Variants in ATXN7L2 observed in about 807,000 individuals in gnomAD.
ATXN7L2 encodes ataxin 7 like 2.
A neutral mutation model predicts 59.6 loss-of-function variants in ATXN7L2; 17 were observed. That is an observed-to-expected ratio of 0.29 (90% CI 0.20 to 0.43). ATXN7L2 has a LOEUF of 0.43. ATXN7L2 is among the 20% of genes least tolerant of loss of function. ATXN7L2 has a pLI of 1.00. For missense variants in ATXN7L2, 858 were observed against 1,008.9 expected (o/e 0.85, Z 2.03); for synonymous variants, 378 against 392.5 (o/e 0.96, Z 0.44).
Position 109,489,930 on chromosome 1 carries a change from G to A in ATXN7L2, c.1134G>A (p.Arg378=), listed in dbSNP as rs762941184. ...KQTYPYCALP[R]SRASSESELD... is the part of the protein sequence containing the mutation. ...CTGGCATCCCTTTTGGCCCTTCCAG[G>A]TCCCGGGCCTCCTCCGAGAGTGAAT... Residue 378 remains arginine, a splice_region_variant and synonymous_variant, in exon 8 of 11, where the codon AGG becomes AGA. Transcript: ENST00000683729. The A allele has an allele frequency of 2.2e-5, 36 of 1,613,214 alleles. No homozygotes were observed. Among genetic ancestry groups the A allele is most frequent in the Non-Finnish European group, 2.9e-5 (34 of 1,179,974 alleles).
chr1:109,491,332 C>G lies in ATXN7L2; in HGVS notation c.1865C>G (p.Thr622Ser), dbSNP rs754393788. 3.1e-6 allele frequency: 5 copies of G among 1,614,280 alleles called. No homozygotes were observed. Among genetic ancestry groups the G allele is most frequent in the Non-Finnish European group, 4.2e-6 (5 of 1,180,058 alleles). ...AAACGGACCTGCATCCTGGAGCCCA[C>G]TGGAAAAGGGAAACCCTCTGGCTGT... is the stretch of plus-strand genomic sequence containing the variant. ...TLKRTCILEP[T>S]GKGKPSGCRG... The change falls in exon 10 of 11, where the codon ACT becomes AGT. Residue 622 changes from threonine (T) to serine (S), a missense_variant. This residue lies in a region of ATXN7L2 where 734 missense variants were observed against 862.3 expected (regional missense o/e 0.85). Coordinates refer to ENST00000683729, the MANE Select transcript of ATXN7L2 (RefSeq NM_001350175.2). This position sits in a 1 kb window ranked among gnomAD's most constrained non-coding sequence, Gnocchi z 4.1.
chr1:109,488,172 G>T lies in ATXN7L2; in HGVS notation c.797-211G>T, dbSNP rs949908744. On this transcript the variant is annotated intron_variant, in intron 5 of 10. Coordinates refer to ENST00000683729, the MANE Select transcript of ATXN7L2 (RefSeq NM_001350175.2). The surrounding 1 kb of genome is among the most constrained non-coding windows in gnomAD (Gnocchi z 5.0). Reference sequence around the variant, plus strand: ...TGCTTTGGGCTTGAAGTCCCAAAAGGCGCACCTGAAATTGGGATAGGGATG... The same window carrying T: ...TGCTTTGGGCTTGAAGTCCCAAAAGTCGCACCTGAAATTGGGATAGGGATG... Among the ~76,000 whole-genome samples the T allele has an allele frequency of 2.6e-5, 4 of 152,238 alleles. No homozygotes were observed. The highest frequency in any genetic ancestry group is 4.8e-5 in the African/African-American group (2 of 41,454).
At chr1:109,485,367 C>A (rs1286280281) in intron 1 of ATXN7L2, 1 of 985,182 alleles carries the variant, frequency 1.0e-6, no homozygotes, top group Non-Finnish European at 1.2e-6. Flanking sequence ...GCCCAAAGGC[C>A]CTCTAAGAAG....
At position 109,488,449 on chromosome 1, in the gene ATXN7L2, G is replaced by A. The variant is rs1027167067; in HGVS notation, c.863G>A (p.Arg288His). Reference sequence around the variant, plus strand: ...CCAGAGACCAAAAAGATCTGTACCCGCCTGTTGACCTGCAAGGTAACCCCC... The same window carrying A: ...CCAGAGACCAAAAAGATCTGTACCCACCTGTTGACCTGCAAGGTAACCCCC... Reference protein sequence around the residue: ...INPETKKICTRLLTCKIHSVH... With the variant: ...INPETKKICTHLLTCKIHSVH... Residue 288 changes from arginine (R) to histidine (H), a missense_variant, in exon 6 of 11, where the codon CGC becomes CAC. This residue lies in a region of ATXN7L2 where 734 missense variants were observed against 862.3 expected (regional missense o/e 0.85). Transcript: ENST00000683729. The surrounding 1 kb of genome is among the most constrained non-coding windows in gnomAD (Gnocchi z 5.0). 3 of 1,608,748 alleles carry A rather than the reference G, an allele frequency of 1.9e-6. No homozygotes were observed. Among genetic ancestry groups the A allele is most frequent in the Non-Finnish European group, 2.5e-6 (3 of 1,176,914 alleles).
intron 7 of ATXN7L2, 98 bp downstream of exon 7, chr1:109,489,198 G>A: frequency 6.9e-7 from 1 of 1,443,372 alleles, no homozygotes; most frequent in South Asian, 1.4e-5. Flanking sequence ...CCTGGAAGAG[G>A]CACTCCCTCA....
At position 109,487,115 on chromosome 1, in the gene ATXN7L2, G is replaced by A. The variant is rs1403279857; in HGVS notation, c.407G>A (p.Cys136Tyr). ...GTAGTGAATGGGCAGGGCCCAGCTT[G>A]TAGGGCCCCAGGTTCCACGAAAACC... ...CHVVNGQGPA[C>Y]RAPGSTKTSS... The change falls in exon 4 of 11, where the codon TGT (cysteine) becomes TAT (tyrosine). Residue 136 changes from cysteine (C) to tyrosine (Y), a missense_variant. Coordinates refer to ENST00000683729, the MANE Select transcript of ATXN7L2 (RefSeq NM_001350175.2). 1.9e-5 allele frequency: 30 copies of A among 1,612,362 alleles called. No individual in the cohort carries two copies. The highest frequency in any genetic ancestry group is 6.7e-5 in the East Asian group (3 of 44,756).
Position 109,489,042 on chromosome 1 carries a change from C to G in ATXN7L2, c.1075C>G (p.Pro359Ala), listed in dbSNP as rs1480761149. The change falls in exon 7 of 11, where the codon CCC (proline) becomes GCC (alanine). Residue 359 changes from proline (P) to alanine (A), a missense_variant. By Grantham distance (27) the Pro-to-Ala change is conservative. Coordinates refer to ENST00000683729, the MANE Select transcript of ATXN7L2 (RefSeq NM_001350175.2). ...CCAGGTTGTAGCAGCGGTGGCTGCTCCCAGCAGCACCTTCTCTGTTCGTGC... is the reference window on the plus strand; with the variant it reads ...CCAGGTTGTAGCAGCGGTGGCTGCTGCCAGCAGCACCTTCTCTGTTCGTGC... ...SVQVVAAVAAPSSTFSVRAKQ... is the reference protein window; with the variant it reads ...SVQVVAAVAAASSTFSVRAKQ... 6.2e-7 allele frequency: 1 copy of G among 1,614,036 alleles called. No individual in the cohort carries two copies. The highest frequency in any genetic ancestry group is 1.3e-5 in the African/African-American group (1 of 74,924).
rs372298006 is a variant in ATXN7L2, at chr1:109,491,421, A to C, written c.1954A>C (p.Arg652=). ...GGGGCTTAATGGGACAATGGGGCCA[A>C]GAGTGAAGCGGGCAGGGCCCCTGGA... is the stretch of plus-strand genomic sequence containing the variant. ...SMGLNGTMGP[R]VKRAGPLDCR... is the part of the protein sequence containing the mutation. Residue 652 remains arginine, a synonymous_variant, in exon 10 of 11, where the codon AGA becomes CGA. Coordinates refer to ENST00000683729, the MANE Select transcript of ATXN7L2 (RefSeq NM_001350175.2). The surrounding 1 kb of genome is among the most constrained non-coding windows in gnomAD (Gnocchi z 4.1). 9.9e-6 allele frequency: 16 copies of C among 1,614,188 alleles called. No homozygotes were observed. The African/African-American group carries it at 2.0e-4, about 20-fold the overall frequency.
Position 109,488,929 on chromosome 1 carries a change from C to G in ATXN7L2, c.962C>G (p.Ser321Cys), listed in dbSNP as rs778348612. ...DVLVAELKAN[S>C]RKGESPKEKS... The stretch of plus-strand genomic sequence containing the variant: ...CTGGTGGCAGAGCTGAAGGCCAACT[C>G]CCGCAAAGGGGAGTCTCCCAAGGAG... The change falls in exon 7 of 11, where the codon TCC (serine) becomes TGC (cysteine). Residue 321 changes from serine (S) to cysteine (C), a missense_variant. By Grantham distance (112) the Ser-to-Cys change is moderately radical. This residue lies in a region of ATXN7L2 where 734 missense variants were observed against 862.3 expected (regional missense o/e 0.85). Coordinates refer to ENST00000683729, the MANE Select transcript of ATXN7L2 (RefSeq NM_001350175.2). This position sits in a 1 kb window ranked among gnomAD's most constrained non-coding sequence, Gnocchi z 5.0. 1.2e-6 allele frequency: 2 copies of G among 1,614,150 alleles called. No individual in the cohort carries two copies. Among genetic ancestry groups the G allele is most frequent in the South Asian group, 2.2e-5 (2 of 91,092 alleles).
rs566866897 is a variant in ATXN7L2 at position 109,486,644 on chromosome 1, A to G, written c.298+34A>G. 3.8e-6 allele frequency: 6 copies of G among 1,560,360 alleles called. No individual in the cohort carries two copies. The South Asian group carries it at 5.6e-5, about 15-fold the overall frequency. On this transcript the variant is annotated intron_variant, in intron 3 of 10. Transcript: ENST00000683729. The surrounding 1 kb of genome is among the most constrained non-coding windows in gnomAD (Gnocchi z 4.3). Reference sequence around the variant, plus strand: ...AGCCCTAGGGAGGAGATAAAGGGACAGGGGAAGGTGGAGCATGGAACTCTG... The same window carrying G: ...AGCCCTAGGGAGGAGATAAAGGGACGGGGGAAGGTGGAGCATGGAACTCTG...
At position 109,492,704 on chromosome 1, in the gene ATXN7L2, TTAAGAAAAAAAG is replaced by T; in HGVS notation, c.*105_*116del. ...TTTTATAACTTTATATTATTTTTTT[TTAAGAAAAAAAG>T]CTCTTTAAAATACCTCAAGACTGTC... On this transcript the variant is annotated 3_prime_UTR_variant, in exon 11 of 11. Transcript: ENST00000683729. 7.1e-7 allele frequency: 1 copy of T among 1,400,910 alleles called. No homozygotes were observed. Among genetic ancestry groups the T allele is most frequent in the Non-Finnish European group, 9.8e-7 (1 of 1,023,394 alleles). The allele number at this position is 1,400,910 out of a possible 1,614,324, so 86.8% of individuals were successfully genotyped here.
chr1:109,490,403 C>T lies in ATXN7L2; in HGVS notation c.1454+11C>T, dbSNP rs774537914. On this transcript the variant is annotated intron_variant, in intron 9 of 10. Transcript: ENST00000683729. ...CACACACATGTGGAAGTAAGTCTCT[C>T]GGACCCAGAATGGAAGTTCTAGAAT... 1.3e-5 allele frequency: 21 copies of T among 1,610,640 alleles called. No individual in the cohort carries two copies. The highest frequency in any genetic ancestry group is 8.4e-5 in the Admixed American group (5 of 59,702).
At position 109,491,746 on chromosome 1, in the gene ATXN7L2, G is replaced by A. The variant is rs753612488; in HGVS notation, c.2250+29G>A. On this transcript the variant is annotated intron_variant, in intron 10 of 10. Transcript: ENST00000683729. This position sits in a 1 kb window ranked among gnomAD's most constrained non-coding sequence, Gnocchi z 4.1. The stretch of plus-strand genomic sequence containing the variant: ...CCAGCCAGGCTCCCTGAAGATTGAT[G>A]AGGGTGGGGCACACAGGGGGTACCT... The A allele has an allele frequency of 3.2e-4, 498 of 1,552,958 alleles. No homozygotes were observed. Among genetic ancestry groups the A allele is most frequent in the Non-Finnish European group, 4.3e-4 (492 of 1,146,684 alleles).
rs1467484921 is a variant in ATXN7L2 at position 109,492,631 on chromosome 1, C to T, written c.*31C>T. The T allele has an allele frequency of 4.3e-6, 7 of 1,612,626 alleles. No homozygotes were observed. The highest frequency in any genetic ancestry group is 5.9e-6 in the Non-Finnish European group (7 of 1,179,616). Reference sequence around the variant, plus strand: ...AAGTGCCTGCCCACTGCAACGGAGCCGCCAGCACCTCCTCCCCTCCAGATC... The same window carrying T: ...AAGTGCCTGCCCACTGCAACGGAGCTGCCAGCACCTCCTCCCCTCCAGATC... On this transcript the variant is annotated 3_prime_UTR_variant, in exon 11 of 11. Transcript: ENST00000683729.
chr1:109,490,897 C>T (rs759629393), intron 9 of ATXN7L2, 25 bp from the exon 10 acceptor site: 102 of 1,535,860 alleles, frequency 6.6e-5, no homozygotes, highest in Non-Finnish European at 8.6e-5. Flanking sequence ...TTGGCAGTCA[C>T]AGTGGGGCTT....
Position 109,486,767 on chromosome 1 carries a change from G to A in ATXN7L2, c.298+157G>A, listed in dbSNP as rs892568845. Reference sequence around the variant, plus strand: ...GCTTCAGAGCATTGTGGGGAGTCGGGTTATTGTTTGAACAAAATTCTAGCA... The same window carrying A: ...GCTTCAGAGCATTGTGGGGAGTCGGATTATTGTTTGAACAAAATTCTAGCA... On this transcript the variant is annotated intron_variant, in intron 3 of 10. Transcript: ENST00000683729. This position sits in a 1 kb window ranked among gnomAD's most constrained non-coding sequence, Gnocchi z 4.3. Among the ~76,000 whole-genome samples, 1 of 152,106 alleles carries A rather than the reference G, an allele frequency of 6.6e-6. No homozygotes were observed. Among genetic ancestry groups the A allele is most frequent in the Non-Finnish European group, 1.5e-5 (1 of 68,022 alleles).
In ATXN7L2 at chr1:109,483,973, C is replaced by A; in HGVS notation, c.20C>A (p.Ala7Glu). The A allele has an allele frequency of 7.4e-7, 1 of 1,346,982 alleles. No homozygotes were observed. The allele number at this position is 1,346,982 out of a possible 1,614,324, so 83.4% of individuals were successfully genotyped here. MAVRER[A>E]AAAMAALERR... ...GCGGTGATGGCGGTGCGTGAACGCG[C>A]GGCGGCAGCAATGGCCGCTCTGGAG... Residue 7 changes from alanine to glutamate, a missense_variant, in exon 1 of 11, where the codon GCG (alanine) becomes GAG (glutamate). Coordinates refer to ENST00000683729, the MANE Select transcript of ATXN7L2 (RefSeq NM_001350175.2).
At chr1:109,490,623 T>G (rs1381480742) in intron 9 of ATXN7L2, among the ~76,000 whole-genome samples, 1 of 152,100 alleles carries the variant, frequency 6.6e-6, no homozygotes, top group Non-Finnish European at 1.5e-5. Context: ...AATCTAGACT[T>G]TCATCCATCA....
Position 109,491,473 on chromosome 1 carries a change from C to T in ATXN7L2, c.2006C>T (p.Pro669Leu). The T allele has an allele frequency of 6.2e-7, 1 of 1,614,018 alleles. No homozygotes were observed. Among genetic ancestry groups the T allele is most frequent in the African/African-American group, 1.3e-5 (1 of 75,082 alleles). ...TGTCGTGGCTCCCCTCATCAGCTCCCCACACCAGTCAAGGCTTCTCAGCTG... is the reference window on the plus strand; with the variant it reads ...TGTCGTGGCTCCCCTCATCAGCTCCTCACACCAGTCAAGGCTTCTCAGCTG... ...LDCRGSPHQLPTPVKASQLEN... is the reference protein window; with the variant it reads ...LDCRGSPHQLLTPVKASQLEN... The change falls in exon 10 of 11, where the codon CCC becomes CTC. Residue 669 changes from proline to leucine, a missense_variant. Coordinates refer to ENST00000683729, the MANE Select transcript of ATXN7L2 (RefSeq NM_001350175.2). The surrounding 1 kb of genome is among the most constrained non-coding windows in gnomAD (Gnocchi z 4.1).
Sources: gnomAD v4.1 joint callset for allele counts (sites outside exome capture counted in the v4.1 genomes callset) on GRCh38, gnomAD v4.1.1 for gene constraint, gnomAD v4.1.1 regional missense constraint, Gnocchi (gnomAD v3.1) non-coding constraint, MANE v1.5 for transcripts, NCBI Gene and HGNC (gene_info 2026-07-23, HGNC 2026-07-21) for gene names.